Variants in PPP1R12B observed in about 807,000 individuals in gnomAD.
The protein encoded by PPP1R12B is myosin phosphatase target subunit 2.
In PPP1R12B, 76 loss-of-function variants were observed where a neutral mutation model predicts 126.1. That is an observed-to-expected ratio of 0.60 (90% CI 0.50 to 0.73). The LOEUF (loss-of-function observed/expected upper bound fraction) is 0.73, where lower values mean the gene tolerates loss of function less well. Ranked by LOEUF, PPP1R12B falls within the 30% of genes least tolerant of loss-of-function variation. The pLI is 0.00. For synonymous variants in PPP1R12B, 356 were observed against 434.7 expected (o/e 0.82, Z 2.25); for missense variants, 1,052 against 1,205.1 (o/e 0.87, Z 1.88).
At chr1:202,564,205 G>T (rs1334570107) in intron 20 of PPP1R12B, among the ~76,000 whole-genome samples, 3 of 152,152 alleles carry the variant, frequency 2.0e-5, no homozygotes, top group African/African-American at 7.2e-5. Context: ...AGTAATGACT[G>T]TTTTTCCCCC....
At chr1:202,362,897 G>A (rs1464338970) in intron 1 of PPP1R12B, among the ~76,000 whole-genome samples, 3 of 152,054 alleles carry the variant, frequency 2.0e-5, no homozygotes, top group South Asian at 2.1e-4. Context: ...GCAATGGCAC[G>A]ATCTTGGCTC....
intron 18 of PPP1R12B, chr1:202,540,085 C>T: frequency 6.5e-7 from 1 of 1,531,024 alleles, no homozygotes; most frequent in African/African-American, 1.4e-5. Context: ...GGGAAATTTC[C>T]CAGCTTTGTG....
chr1:202,564,788 A>G (rs1040701521), intron 21 of PPP1R12B, among the ~76,000 whole-genome samples: 2 of 152,248 alleles, frequency 1.3e-5, no homozygotes, highest in Non-Finnish European at 2.9e-5. Context: ...AATTAATACT[A>G]TGGCTCATCA....
chr1:202,449,599 G>T (rs994753778), intron 13 of PPP1R12B, among the ~76,000 whole-genome samples: 2 of 151,248 alleles, frequency 1.3e-5, no homozygotes, highest in African/African-American at 4.9e-5. Context: ...TTATATTATT[G>T]TTCTGTATTT....
chr1:202,392,522 T>C (rs943589487), intron 1 of PPP1R12B, among the ~76,000 whole-genome samples: 4 of 151,704 alleles, frequency 2.6e-5, no homozygotes, highest in Admixed American at 6.6e-5. Context: ...GACTTCTTTT[T>C]TTTTTCTTTT....
chr1:202,451,254 G>A (rs559702154), intron 13 of PPP1R12B, among the ~76,000 whole-genome samples: 2 of 149,564 alleles, frequency 1.3e-5, no homozygotes, highest in Non-Finnish European at 3.0e-5. Flanking sequence ...AATAGTGGAG[G>A]GAAGGTCAGC....
chr1:202,525,860 G>T (rs1683284081), intron 18 of PPP1R12B, among the ~76,000 whole-genome samples: 1 of 152,128 alleles, frequency 6.6e-6, no homozygotes, highest in Non-Finnish European at 1.5e-5. Context: ...ACCACACCTT[G>T]CTAATATTTT....
chr1:202,358,913 A>C (rs1325351705), intron 1 of PPP1R12B, among the ~76,000 whole-genome samples: 1 of 152,218 alleles, frequency 6.6e-6, no homozygotes, highest in Non-Finnish European at 1.5e-5. Context: ...CTAAATATTC[A>C]TGATATATCT....
At chr1:202,521,286 A>AT (rs1274885883) in intron 18 of PPP1R12B, among the ~76,000 whole-genome samples, 2 of 152,152 alleles carry the variant, frequency 1.3e-5, no homozygotes, top group African/African-American at 4.8e-5. Context: ...AGGTACTTAC[A>AT]TTTTTTAGTT....
chr1:202,546,844 A>G (rs1685695650), intron 18 of PPP1R12B, among the ~76,000 whole-genome samples: 1 of 152,222 alleles, frequency 6.6e-6, no homozygotes, highest in Non-Finnish European at 1.5e-5. Context: ...TAGATGTAAC[A>G]TAAGGAAGGG....
intron 13 of PPP1R12B, among the ~76,000 whole-genome samples, chr1:202,472,488 A>G (rs1388087194): frequency 2.0e-5 from 3 of 152,204 alleles, no homozygotes; most frequent in African/African-American, 7.2e-5. Context: ...TGGTGCTTGA[A>G]TCTGCCATTC....
At chr1:202,471,326 G>A (rs1223549282) in intron 13 of PPP1R12B, among the ~76,000 whole-genome samples, 1 of 150,850 alleles carries the variant, frequency 6.6e-6, no homozygotes, top group African/African-American at 2.4e-5. Context: ...TGTGCTGATG[G>A]ACATTTAGGT....
At chr1:202,524,550 AT>A (rs1190321323) in intron 18 of PPP1R12B, among the ~76,000 whole-genome samples, 3 of 152,062 alleles carry the variant, frequency 2.0e-5, no homozygotes, top group Non-Finnish European at 4.4e-5. Context: ...CCCAAAGTCC[AT>A]TGTATCACTG....
chr1:202,383,569 C>T (rs1165616727), intron 1 of PPP1R12B, among the ~76,000 whole-genome samples: 1 of 152,026 alleles, frequency 6.6e-6, no homozygotes, highest in African/African-American at 2.4e-5. Context: ...ATTAAAAATA[C>T]AAAAATTAAC....
intron 10 of PPP1R12B, 45 bp from the exon 11 acceptor site, chr1:202,440,661 C>A (rs1030413525): frequency 2.2e-5 from 31 of 1,395,284 alleles, no homozygotes; most frequent in Non-Finnish European, 2.8e-5. Context: ...TTATGCTGTG[C>A]CAGTATTGTA....
intron 18 of PPP1R12B, among the ~76,000 whole-genome samples, chr1:202,536,156 G>A (rs1003621765): frequency 6.6e-6 from 1 of 152,118 alleles, no homozygotes; most frequent in Non-Finnish European, 1.5e-5. Flanking sequence ...ATAGTAATAT[G>A]GTCACGAGTC....
chr1:202,425,671 C>G lies in PPP1R12B; in HGVS notation c.647C>G (p.Ser216Ter). ...ATAGAGGATGTGAGGCAGGCTCGCT[C>G]AGGGGCTACAGCCCTTCATGTGGCT... is the stretch of plus-strand genomic sequence containing the variant. ...GKIEDVRQAR[S>*]GATALHVAAA... Residue 216 changes from serine to a stop codon, truncating the protein, a stop_gained, in exon 4 of 24, where the codon TCA becomes TGA. Coordinates refer to ENST00000608999, the MANE Select transcript of PPP1R12B (RefSeq NM_002481.4). LOFTEE classifies it high-confidence loss of function. 1 of 1,613,946 alleles carries G rather than the reference C, an allele frequency of 6.2e-7. No individual in the cohort carries two copies. Among genetic ancestry groups the G allele is most frequent in the Non-Finnish European group, 8.5e-7 (1 of 1,179,862 alleles).
chr1:202,393,392 G>GT (rs111455883), intron 1 of PPP1R12B, among the ~76,000 whole-genome samples: 262 of 140,050 alleles, frequency 1.9e-3, no homozygotes, highest in Middle Eastern at 7.7e-3. Context: ...TCGAAACAGT[G>GT]TTTTTTTTTT....
chr1:202,372,206 T>C (rs1444826568), intron 1 of PPP1R12B, among the ~76,000 whole-genome samples: 2 of 152,076 alleles, frequency 1.3e-5, no homozygotes, highest in Non-Finnish European at 2.9e-5. Context: ...TTTCTTATAT[T>C]ATAAAAGTAA....
Sources: allele counts gnomAD v4.1 joint callset (sites outside exome capture counted in the v4.1 genomes callset), GRCh38; gene constraint gnomAD v4.1.1; transcripts MANE v1.5; gene names NCBI Gene and HGNC (gene_info 2026-07-23, HGNC 2026-07-21).